Variants in OSBPL5 observed in about 807,000 individuals in gnomAD.
OSBPL5 encodes the protein oxysterol binding protein like 5, also known as oxysterol-binding protein-related protein 5.
A neutral mutation model predicts 111.2 loss-of-function variants in OSBPL5; 71 were observed. That is an observed-to-expected ratio of 0.64 (90% confidence interval 0.53 to 0.78). The LOEUF is 0.78. Among genes scored for constraint, OSBPL5 ranks in the 30% least tolerant of loss-of-function variants. The pLI is 0.00. For missense variants in OSBPL5, 1,210 were observed against 1,189.3 expected, an observed-to-expected ratio of 1.02 and a Z score of -0.26; for synonymous variants, 549 against 513.9, an observed-to-expected ratio of 1.07 and a Z score of -0.93.
chr11:3,149,866 C>T (rs555232368), intron 1 of OSBPL5, among the ~76,000 whole-genome samples: 3 of 152,338 alleles, frequency 2.0e-5, no homozygotes, highest in East Asian at 1.9e-4. Flanking sequence ...CTGACATGCA[C>T]GAGTGTGATG....
intron 1 of OSBPL5, chr11:3,164,343 C>G: frequency 6.6e-6 from 1 of 152,324 alleles, no homozygotes. Context: ...GTAAGCCCAC[C>G]CTGTGACCCC....
Position 3,139,294 on chromosome 11 carries a change from C to T in OSBPL5, c.-21-10125G>A, listed in dbSNP as rs182528681. On this transcript the variant is annotated intron_variant, in intron 1 of 21. Coordinates refer to ENST00000263650, the MANE Select transcript of OSBPL5 (RefSeq NM_020896.4). ...CCAGGAGGCTGTGCGGGACGGGTGG[C>T]CCCGGGGCTGGGGCCGTGGCCAAGC... is the stretch of plus-strand genomic sequence containing the variant. Among the ~76,000 whole-genome samples the T allele has an allele frequency of 9.0e-3, 1,342 of 149,466 alleles. 17 individuals are homozygous for T. The highest frequency in any genetic ancestry group is 0.032 in the African/African-American group (1,282 of 40,092).
rs771687327 is a variant in OSBPL5 at position 3,104,403 on chromosome 11, C to T, written c.1060-26G>A. The T allele has an allele frequency of 3.7e-6, 6 of 1,600,066 alleles. No homozygotes were observed. In the African/African-American group the frequency reaches 5.4e-5, roughly 14 times the overall value. ...CTGCAGCAGACAGGCTGCAGTCAGG[C>T]CCTGCCCGGAAGAGCCGGGAGGAAG... On this transcript the variant is annotated intron_variant, in intron 9 of 21. Transcript: ENST00000263650. This position sits in a 1 kb window ranked among gnomAD's most constrained non-coding sequence, Gnocchi z 5.0.
At chr11:3,116,630 G>A (rs376842716) in intron 7 of OSBPL5, among the ~76,000 whole-genome samples, 10 of 152,136 alleles carry the variant, frequency 6.6e-5, no homozygotes, top group South Asian at 2.1e-4. Context: ...CATGGTGGGC[G>A]GATCACTTGA....
At chr11:3,108,740 C>T (rs1034158198) in intron 7 of OSBPL5, among the ~76,000 whole-genome samples, 1 of 151,220 alleles carries the variant, frequency 6.6e-6, no homozygotes, top group Non-Finnish European at 1.5e-5. Context: ...CTCGTGGTGG[C>T]CTGTGACAGG....
Position 3,126,368 on chromosome 11 carries a change from A to G in OSBPL5, c.219+105T>C. On this transcript the variant is annotated intron_variant, in intron 3 of 21. Transcript: ENST00000263650. This position sits in a 1 kb window ranked among gnomAD's most constrained non-coding sequence, Gnocchi z 6.5. ...AGCTGTTTCCCCCGAACAGGCTGGA[A>G]TGGCAGGCTCAGCTGGACGCCCTGC... is the stretch of plus-strand genomic sequence containing the variant. 9.7e-7 allele frequency: 1 copy of G among 1,029,648 alleles called. No individual in the cohort carries two copies. The highest frequency in any genetic ancestry group is 1.8e-5 in the South Asian group (1 of 55,654). 63.8% of individuals were successfully genotyped at this position (1,029,648 alleles called of 1,614,324 possible).
Position 3,107,186 on chromosome 11 carries a change from G to T in OSBPL5, c.1059+77C>A. 6.6e-7 allele frequency: 1 copy of T among 1,518,448 alleles called. No individual in the cohort carries two copies. The highest frequency in any genetic ancestry group is 8.9e-7 in the Non-Finnish European group (1 of 1,124,930). 94.1% of individuals were successfully genotyped at this position (1,518,448 alleles called of 1,614,324 possible). A position where few individuals can be genotyped will look rare whatever the true frequency, so the allele number is the denominator to read the frequency against. The stretch of plus-strand genomic sequence containing the variant: ...CCCTGCGTGCTCCCCCTAGGATGAG[G>T]CATGGCTACCTCTGCTTCCGGAACA... On this transcript the variant is annotated intron_variant, in intron 9 of 21. Coordinates refer to ENST00000263650, the MANE Select transcript of OSBPL5 (RefSeq NM_020896.4). This position sits in a 1 kb window ranked among gnomAD's most constrained non-coding sequence, Gnocchi z 6.1.
chr11:3,114,824 A>G (rs1230579003), intron 7 of OSBPL5, among the ~76,000 whole-genome samples: 1 of 151,862 alleles, frequency 6.6e-6, no homozygotes, highest in Non-Finnish European at 1.5e-5. Flanking sequence ...GATGGTCTTG[A>G]TCTCCTGACT....
intron 14 of OSBPL5, among the ~76,000 whole-genome samples, chr11:3,097,089 G>A (rs1857294749): frequency 1.5e-5 from 2 of 137,806 alleles, no homozygotes; most frequent in Non-Finnish European, 1.6e-5. Flanking sequence ...AGGAGAAGAG[G>A]AAAGAGGGGG....
At chr11:3,096,488 G>A (rs1013538895) in intron 14 of OSBPL5, among the ~76,000 whole-genome samples, 1 of 151,900 alleles carries the variant, frequency 6.6e-6, no homozygotes, top group Non-Finnish European at 1.5e-5. Flanking sequence ...GTGTGGTGGC[G>A]CACGCATGTA....
At chr11:3,097,084 A>AGGAAAGAGGGGGAAGATGGGAGGAGG (rs1857294252) in intron 14 of OSBPL5, among the ~76,000 whole-genome samples, 3 of 11,354 alleles carry the variant, frequency 2.6e-4, no homozygotes, top group African/African-American at 1.2e-3. Flanking sequence ...GAAGGAGGAG[A>AGGAAAGAGGGGGAAGATGGGAGGAGG]AGAGGAAAGA....
At chr11:3,132,136 C>T (rs1590697650) in intron 1 of OSBPL5, among the ~76,000 whole-genome samples, 3 of 151,990 alleles carry the variant, frequency 2.0e-5, no homozygotes, top group Non-Finnish European at 2.9e-5. Flanking sequence ...CCTTCCCATT[C>T]ACCTCACACT....
chr11:3,122,253 C>T lies in OSBPL5; in HGVS notation c.300+95G>A, dbSNP rs932872786. 12 of 1,428,062 alleles carry T rather than the reference C, an allele frequency of 8.4e-6. 1 individual carries two copies. In the East Asian group the frequency reaches 9.7e-5, roughly 12 times the overall value. 88.5% of individuals were successfully genotyped at this position (1,428,062 alleles called of 1,614,324 possible). A position where few individuals can be genotyped will look rare whatever the true frequency, so the allele number is the denominator to read the frequency against. ...GGAGGCGACCAGGTGCGGTTTGTCC[C>T]CTCCTTTTGACAGGTGGGGAGGGTG... On this transcript the variant is annotated intron_variant, in intron 4 of 21. Transcript: ENST00000263650.
At chr11:3,114,479 C>A (rs937159828) in intron 7 of OSBPL5, among the ~76,000 whole-genome samples, 1 of 150,978 alleles carries the variant, frequency 6.6e-6, no homozygotes, top group African/African-American at 2.4e-5. Context: ...AAAAAAAAAC[C>A]CTTTTATATG....
At chr11:3,090,388 C>A (rs1439714016) in intron 20 of OSBPL5, among the ~76,000 whole-genome samples, 170 bp downstream of exon 20, 1 of 152,148 alleles carries the variant, frequency 6.6e-6, no homozygotes, top group East Asian at 1.9e-4. Flanking sequence ...GCCTCCCAGA[C>A]TCTGAGAGGG....
Position 3,107,664 on chromosome 11 carries a change from G to T in OSBPL5, c.866+107C>A. The T allele has an allele frequency of 6.8e-7, 1 of 1,479,056 alleles. No individual in the cohort carries two copies. Among genetic ancestry groups the T allele is most frequent in the Non-Finnish European group, 9.2e-7 (1 of 1,085,762 alleles). The allele number at this position is 1,479,056 out of a possible 1,614,324, so 91.6% of individuals were successfully genotyped here. On this transcript the variant is annotated intron_variant, in intron 8 of 21. Transcript: ENST00000263650. The surrounding 1 kb of genome is among the most constrained non-coding windows in gnomAD (Gnocchi z 6.1). ...TGCAGCGAACAAGTCCCTGCGTGCA[G>T]CCTGCAGCCCACCAGAGCAGTGGCT...
Position 3,107,179 on chromosome 11 carries a change from G to A in OSBPL5, c.1059+84C>T. On this transcript the variant is annotated intron_variant, in intron 9 of 21. Coordinates refer to ENST00000263650, the MANE Select transcript of OSBPL5 (RefSeq NM_020896.4). The surrounding 1 kb of genome is among the most constrained non-coding windows in gnomAD (Gnocchi z 6.1). ...CCCTGGGCCCTGCGTGCTCCCCCTAGGATGAGGCATGGCTACCTCTGCTTC... is the reference window on the plus strand; with the variant it reads ...CCCTGGGCCCTGCGTGCTCCCCCTAAGATGAGGCATGGCTACCTCTGCTTC... 6.7e-7 allele frequency: 1 copy of A among 1,493,022 alleles called. No individual in the cohort carries two copies. The highest frequency in any genetic ancestry group is 1.3e-5 in the South Asian group (1 of 79,622). The allele number at this position is 1,493,022 out of a possible 1,614,324, so 92.5% of individuals were successfully genotyped here. A position where few individuals can be genotyped will look rare whatever the true frequency, so the allele number is the denominator to read the frequency against.
chr11:3,117,645 C>A (rs1858258597), intron 7 of OSBPL5, among the ~76,000 whole-genome samples: 1 of 152,170 alleles, frequency 6.6e-6, no homozygotes, highest in African/African-American at 2.4e-5. Context: ...TTCTACTCTT[C>A]CCTAATGTTT....
chr11:3,156,933 G>A (rs1165424620), intron 1 of OSBPL5, among the ~76,000 whole-genome samples: 1 of 152,200 alleles, frequency 6.6e-6, no homozygotes, highest in Admixed American at 6.5e-5. Context: ...CACACAGGGT[G>A]GGGATTCCCA....
Sources: gnomAD v4.1 joint callset for allele counts (sites outside exome capture counted in the v4.1 genomes callset) on GRCh38, gnomAD v4.1.1 for gene constraint, Gnocchi (gnomAD v3.1) non-coding constraint, MANE v1.5 for transcripts, NCBI Gene and HGNC (gene_info 2026-07-23, HGNC 2026-07-21) for gene names.